Variants in KAZN observed in about 807,000 individuals in gnomAD.
KAZN encodes the protein kazrin.
In KAZN, 40 loss-of-function variants were observed where a neutral mutation model predicts 87.4. The observed-to-expected ratio is 0.46, with a 90% confidence interval of 0.36 to 0.60. The LOEUF (loss-of-function observed/expected upper bound fraction) is 0.60, where lower values mean the gene tolerates loss of function less well. Ranked by LOEUF, KAZN falls within the 20% of genes least tolerant of loss-of-function variation. The pLI is 0.00. For synonymous variants in KAZN, 466 were observed against 458.3 expected, an observed-to-expected ratio of 1.02 and a Z score of -0.22; for missense variants, 898 against 1,073.9, an observed-to-expected ratio of 0.84 and a Z score of 2.29.
intron 2 of KAZN, among the ~76,000 whole-genome samples, chr1:14,479,524 C>T (rs1457412084): frequency 6.6e-6 from 1 of 152,202 alleles, no homozygotes; most frequent in Non-Finnish European, 1.5e-5. Flanking sequence ...TCTTCCACCT[C>T]CACCACGTTG....
At chr1:14,680,669 G>A (rs946825441) in intron 1 of KAZN, among the ~76,000 whole-genome samples, 2 of 152,032 alleles carry the variant, frequency 1.3e-5, no homozygotes, top group African/African-American at 4.8e-5. Context: ...ATGTCCGTGT[G>A]TTCTCATTGT....
intron 1 of KAZN, among the ~76,000 whole-genome samples, chr1:14,052,616 C>G (rs1193995136): frequency 6.6e-6 from 1 of 151,400 alleles, no homozygotes; most frequent in Non-Finnish European, 1.5e-5. Context: ...ATGCTTTGGG[C>G]CCTACTCCAG....
intron 8 of KAZN, chr1:15,067,256 CCA>C: frequency 1.0e-6 from 1 of 985,540 alleles, no homozygotes; most frequent in African/African-American, 1.7e-5. Context: ...GTTCCATCAG[CCA>C]CACTTAGAAT....
At chr1:14,670,077 C>T (rs753583953) in intron 1 of KAZN, among the ~76,000 whole-genome samples, 6 of 152,040 alleles carry the variant, frequency 3.9e-5, no homozygotes, top group Admixed American at 6.6e-5. Flanking sequence ...TTATTTGGCC[C>T]GAGAGTCTTC....
In KAZN at chr1:14,923,541, G is replaced by A. The variant is rs547661153; in HGVS notation, c.227-37143G>A. ...ATGGGCAGCACTGATAATGGACAGT[G>A]GGGAATTACTAATGCCTAACTCATA... On this transcript the variant is annotated intron_variant, in intron 1 of 14. Transcript: ENST00000376030. The surrounding 1 kb of genome is among the most constrained non-coding windows in gnomAD (Gnocchi z 4.2). 6.6e-6 allele frequency among the ~76,000 whole-genome samples: 1 copy of A among 152,296 alleles called. No individual in the cohort carries two copies. Among genetic ancestry groups the A allele is most frequent in the South Asian group, 2.1e-4 (1 of 4,822 alleles).
At chr1:14,677,038 A>G (rs937126556) in intron 1 of KAZN, among the ~76,000 whole-genome samples, 1 of 152,216 alleles carries the variant, frequency 6.6e-6, no homozygotes, top group East Asian at 1.9e-4. Flanking sequence ...GAGTGTTACC[A>G]TCATCAACAG....
At chr1:14,017,875 A>G (rs1640643618) in intron 1 of KAZN, among the ~76,000 whole-genome samples, 1 of 152,160 alleles carries the variant, frequency 6.6e-6, no homozygotes, top group East Asian at 1.9e-4. Flanking sequence ...AGACTCCCTG[A>G]GAGCCACGTG....
rs1466151741 is a variant in KAZN, at chr1:14,949,994, A to G, written c.227-10690A>G. Reference sequence around the variant, plus strand: ...CACCGGAAGAGCCTCTGCACGGAAGACGGTTTCAACACCACCTAACGGAAA... The same window carrying G: ...CACCGGAAGAGCCTCTGCACGGAAGGCGGTTTCAACACCACCTAACGGAAA... On this transcript the variant is annotated intron_variant, in intron 1 of 14. Coordinates refer to ENST00000376030, the MANE Select transcript of KAZN (RefSeq NM_201628.3). The surrounding 1 kb of genome is among the most constrained non-coding windows in gnomAD (Gnocchi z 4.3). Among the ~76,000 whole-genome samples, 1 of 152,044 alleles carries G rather than the reference A, an allele frequency of 6.6e-6. No homozygotes were observed. The highest frequency in any genetic ancestry group is 1.5e-5 in the Non-Finnish European group (1 of 68,028).
At chr1:14,864,781 G>A (rs764505431) in intron 1 of KAZN, among the ~76,000 whole-genome samples, 1 of 152,084 alleles carries the variant, frequency 6.6e-6, no homozygotes. Flanking sequence ...ATTGCTGGGG[G>A]CCTGTATCAG....
At chr1:14,767,631 A>G (rs1168083987) in intron 1 of KAZN, among the ~76,000 whole-genome samples, 1 of 152,186 alleles carries the variant, frequency 6.6e-6, no homozygotes, top group African/African-American at 2.4e-5. Context: ...GCCAGCTTGG[A>G]AGAGTTTCTT....
chr1:14,357,313 A>G (rs1659117729), intron 2 of KAZN, among the ~76,000 whole-genome samples: 1 of 152,186 alleles, frequency 6.6e-6, no homozygotes, highest in Non-Finnish European at 1.5e-5. Flanking sequence ...CAGCTTAAGG[A>G]GATTTTGGGC....
intron 6 of KAZN, 150 bp downstream of exon 6, chr1:15,060,452 T>C: frequency 2.8e-6 from 3 of 1,071,748 alleles, no homozygotes; most frequent in Non-Finnish European, 4.1e-6. Flanking sequence ...TTCTTTCCTT[T>C]TGCAAGAAGC....
chr1:14,333,611 A>G (rs562608231), intron 2 of KAZN, among the ~76,000 whole-genome samples: 1 of 152,360 alleles, frequency 6.6e-6, no homozygotes, highest in South Asian at 2.1e-4. Flanking sequence ...GTGTGGAGAG[A>G]GAAACCAAAA....
intron 2 of KAZN, among the ~76,000 whole-genome samples, chr1:14,349,751 CAG>C (rs2100935618): frequency 6.6e-6 from 1 of 152,238 alleles, no homozygotes; most frequent in African/African-American, 2.4e-5. Flanking sequence ...TGTAGCTGAT[CAG>C]GGGATGTGAG....
chr1:14,755,548 A>T (rs1645175536), intron 1 of KAZN, among the ~76,000 whole-genome samples: 1 of 152,236 alleles, frequency 6.6e-6, no homozygotes, highest in African/African-American at 2.4e-5. Context: ...ACTAACATTC[A>T]TTACAAGGAA....
chr1:14,714,043 A>T (rs1642644459), intron 1 of KAZN, among the ~76,000 whole-genome samples: 2 of 152,200 alleles, frequency 1.3e-5, no homozygotes, highest in South Asian at 4.1e-4. Context: ...CACCCTGTGA[A>T]GTTTCATTAG....
rs567936186 is a variant in KAZN, at chr1:14,654,437, TC to T, written c.226+55220del. Among the ~76,000 whole-genome samples the T allele has an allele frequency of 1.1e-4, 17 of 151,880 alleles. No homozygotes were observed. In the South Asian group the frequency reaches 2.9e-3, roughly 26 times the overall value. On this transcript the variant is annotated intron_variant, in intron 1 of 14. Coordinates refer to ENST00000376030, the MANE Select transcript of KAZN (RefSeq NM_201628.3). ...GAGAACCCAGAAAGAGGTCCCTAAA[TC>T]CCCCCGCTGCCTCTCATGCTCTGCT...
At position 14,385,508 on chromosome 1, in the gene KAZN, T is replaced by C. The variant is rs368807261; in HGVS notation, c.249+204916T>C. Among the ~76,000 whole-genome samples the C allele has an allele frequency of 3.3e-5, 5 of 152,340 alleles. No individual in the cohort carries two copies. The East Asian group carries it at 7.7e-4, about 23-fold the overall frequency. On this transcript the variant is annotated intron_variant, in intron 2 of 16. Coordinates refer to the KAZN transcript ENST00000636203. Reference sequence around the variant, plus strand: ...AATGTGTCCCAGAGACTCTGGTATGTTGTGTCTTTGTTCTCGTTGGTTTCA... The same window carrying C: ...AATGTGTCCCAGAGACTCTGGTATGCTGTGTCTTTGTTCTCGTTGGTTTCA...
At chr1:14,800,032 G>C (rs1230922046) in intron 1 of KAZN, among the ~76,000 whole-genome samples, 3 of 152,178 alleles carry the variant, frequency 2.0e-5, no homozygotes, top group South Asian at 4.1e-4. Flanking sequence ...GGAAGTATGA[G>C]TGTCGTGGGG....
Sources: gnomAD v4.1 joint callset for allele counts (sites outside exome capture counted in the v4.1 genomes callset) on GRCh38, gnomAD v4.1.1 for gene constraint, Gnocchi (gnomAD v3.1) non-coding constraint, MANE v1.5 for transcripts, NCBI Gene and HGNC (gene_info 2026-07-23, HGNC 2026-07-21) for gene names.